KLRK1: variants seen among roughly 807,000 people sequenced by gnomAD.
The protein encoded by KLRK1 is NKG2-D type II integral membrane protein.
In KLRK1, 40 loss-of-function variants were observed where a neutral mutation model predicts 31.3. That is an observed-to-expected ratio of 1.28 (90% confidence interval 0.99 to 1.67). The LOEUF is 1.67. Ranked by LOEUF, KLRK1 falls within the 40% of genes most tolerant of loss-of-function variation. The pLI, the probability that KLRK1 is intolerant of heterozygous loss-of-function variation, is 0.00. For synonymous variants in KLRK1, 77 were observed against 77.3 expected (o/e 1.00, Z 0.02); for missense variants, 251 against 260.0 (o/e 0.97, Z 0.24).
At chr12:10,382,053 C>T (rs984103656) in intron 3 of KLRK1, 1 of 152,196 alleles carries the variant, frequency 6.6e-6, no homozygotes. Context: ...GCAGGAAGAA[C>T]CTTAGTCTCA....
In KLRK1 at chr12:10,378,536, T is replaced by TTAAAA; in HGVS notation, c.429+13_429+17dup. On this transcript the variant is annotated intron_variant, in intron 6 of 7. Coordinates refer to ENST00000240618, the MANE Select transcript of KLRK1 (RefSeq NM_007360.4). ...TTAGGATTAAATACAGGATGGGAAA[T>TTAAAA]TAAAATAAATACTCAACCTGGTCCT... 1.2e-6 allele frequency: 2 copies of TTAAAA among 1,607,880 alleles called. No homozygotes were observed. Among genetic ancestry groups the TTAAAA allele is most frequent in the Non-Finnish European group, 1.7e-6 (2 of 1,178,792 alleles).
At position 10,379,872 on chromosome 12, in the gene KLRK1, G is replaced by GT. The variant is rs1863038162; in HGVS notation, c.149-81dup. 2.3e-6 allele frequency: 3 copies of GT among 1,300,546 alleles called. No homozygotes were observed. In the Admixed American group the frequency reaches 8.5e-5, roughly 37 times the overall value. 80.6% of individuals were successfully genotyped at this position (1,300,546 alleles called of 1,614,324 possible). ...CTTTGTATTTAATATAAATATTAGAGTTTTTTAAATGAGAAGGTGGTATTG... is the reference window on the plus strand; with the variant it reads ...CTTTGTATTTAATATAAATATTAGAGTTTTTTTAAATGAGAAGGTGGTATTG... On this transcript the variant is annotated intron_variant, in intron 3 of 7. Transcript: ENST00000240618.
At chr12:10,377,356 A>G (rs1217444069) in intron 7 of KLRK1, among the ~76,000 whole-genome samples, 5 of 152,224 alleles carry the variant, frequency 3.3e-5, no homozygotes, top group African/African-American at 1.2e-4. Context: ...TGATACAAAT[A>G]CTTGTACACA....
chr12:10,375,784 T>C (rs1158225381), intron 7 of KLRK1, among the ~76,000 whole-genome samples: 1 of 147,862 alleles, frequency 6.8e-6, no homozygotes, highest in Non-Finnish European at 1.5e-5. Flanking sequence ...ATGACCTTTC[T>C]TGAATACTCT....
chr12:10,373,367 T>A lies in KLRK1; in HGVS notation c.534-136A>T, dbSNP rs1862898957. 3 of 584,362 alleles carry A rather than the reference T, an allele frequency of 5.1e-6. No individual in the cohort carries two copies. The East Asian group carries it at 1.0e-4, about 20-fold the overall frequency. The allele number at this position is 584,362 out of a possible 1,614,324, so 36.2% of individuals were successfully genotyped here. The stretch of plus-strand genomic sequence containing the variant: ...GATTATGGACCATGCCTGGTCCTAA[T>A]TCATAAACAAAATATAGCCAACTCA... On this transcript the variant is annotated intron_variant, in intron 7 of 7. Coordinates refer to ENST00000240618, the MANE Select transcript of KLRK1 (RefSeq NM_007360.4).
intron 3 of KLRK1, among the ~76,000 whole-genome samples, chr12:10,382,513 G>A (rs1045334870): frequency 6.6e-6 from 1 of 152,104 alleles, no homozygotes; most frequent in Non-Finnish European, 1.5e-5. Flanking sequence ...ACATGATGGA[G>A]AGAAAAAGTA....
Position 10,373,018 on chromosome 12 carries a change from CT to C in KLRK1, c.*95del. On this transcript the variant is annotated 3_prime_UTR_variant, in exon 8 of 8. Transcript: ENST00000240618. ...TCTGACAGTCTTTGGTCATTTTGTC[CT>C]GTTTTTGTTTGTTTCCTTTAGTCTC... is the stretch of plus-strand genomic sequence containing the variant. 9.3e-7 allele frequency: 1 copy of C among 1,079,010 alleles called. No individual in the cohort carries two copies. Among genetic ancestry groups the C allele is most frequent in the Non-Finnish European group, 1.4e-6 (1 of 726,818 alleles). The allele number at this position is 1,079,010 out of a possible 1,614,324, so 66.8% of individuals were successfully genotyped here. A position where few individuals can be genotyped will look rare whatever the true frequency, so the allele number is the denominator to read the frequency against.
intron 6 of KLRK1, 94 bp downstream of exon 6, chr12:10,378,460 C>G: frequency 1.3e-6 from 2 of 1,553,068 alleles, no homozygotes; most frequent in South Asian, 2.4e-5. Context: ...AACCAAGTCA[C>G]AGTGTCCCTT....
At chr12:10,373,695 AGTGTGTGTGT>A (rs10537864) in intron 7 of KLRK1, among the ~76,000 whole-genome samples, 5 of 146,932 alleles carry the variant, frequency 3.4e-5, no homozygotes, top group Admixed American at 6.6e-5. Context: ...AGTGTGTATA[AGTGTGTGTGT>A]GTGTGTGTGT....
intron 7 of KLRK1, among the ~76,000 whole-genome samples, chr12:10,373,576 A>C (rs1565490239): frequency 6.6e-6 from 1 of 152,184 alleles, no homozygotes; most frequent in African/African-American, 2.4e-5. Flanking sequence ...AGAATTTGAT[A>C]CTGTGTTTTG....
chr12:10,382,505 A>G (rs915375469), intron 3 of KLRK1, among the ~76,000 whole-genome samples: 2 of 152,194 alleles, frequency 1.3e-5, no homozygotes, highest in Non-Finnish European at 2.9e-5. Flanking sequence ...AACTATCGAC[A>G]TGATGGAGAG....
At chr12:10,386,792 G>T in intron 3 of KLRK1, 111 bp downstream of exon 3, 2 of 583,932 alleles carry the variant, frequency 3.4e-6, no homozygotes, top group Non-Finnish European at 5.4e-6. Flanking sequence ...TGTTATTCCT[G>T]CTTTCCTCAT....
chr12:10,375,098 T>C (rs1006894294), intron 7 of KLRK1, among the ~76,000 whole-genome samples: 8 of 152,060 alleles, frequency 5.3e-5, no homozygotes, highest in Admixed American at 3.3e-4. Context: ...AATTCTAAGG[T>C]ATACTGGGGC....
chr12:10,385,589 GTTAT>G (rs1228539887), intron 3 of KLRK1, among the ~76,000 whole-genome samples: 1 of 152,022 alleles, frequency 6.6e-6, no homozygotes, highest in Non-Finnish European at 1.5e-5. Context: ...TAGAATTGTG[GTTAT>G]TTAAGGCTAG....
Position 10,386,921 on chromosome 12 carries a change from T to A in KLRK1, c.130A>T (p.Ser44Cys). 2 of 1,611,988 alleles carry A rather than the reference T, an allele frequency of 1.2e-6. No homozygotes were observed. Among genetic ancestry groups the A allele is most frequent in the Non-Finnish European group, 1.7e-6 (2 of 1,179,046 alleles). Residue 44 changes from serine (S) to cysteine (C), a missense_variant, in exon 3 of 8, where the codon AGC becomes TGC. Ser to Cys is a moderately radical substitution (Grantham distance 112, BLOSUM62 -1). Transcript: ENST00000240618. ...WQKQRCPVVK[S>C]KCRENASPFF... ...GACTTACCATTTTCTCTACATTTGC[T>A]TTTGACTACTGGACATCTTTGCTTT...
chr12:10,379,262 A>AAACCT (rs2137808551), intron 5 of KLRK1, 185 bp downstream of exon 5: 1 of 196,952 alleles, frequency 5.1e-6, no homozygotes, highest in African/African-American at 2.3e-5. Flanking sequence ...AGATGATGTC[A>AAACCT]AACCTAAGTA....
rs112519936 is a variant in KLRK1 at position 10,388,684 on chromosome 12, G to A, written c.40+87C>T. The A allele has an allele frequency of 6.6e-5, 97 of 1,476,908 alleles. 3 individuals carry two copies. In the African/African-American group the frequency reaches 9.3e-4, roughly 14 times the overall value. 91.5% of individuals were successfully genotyped at this position (1,476,908 alleles called of 1,614,324 possible). ...TGAAAAGAATCAGAGTAAATTGCTT[G>A]CCTATGCCTTATATGCTTGTATGAA... On this transcript the variant is annotated intron_variant, in intron 2 of 7. Transcript: ENST00000240618.
At chr12:10,386,111 G>A (rs1253408577) in intron 3 of KLRK1, among the ~76,000 whole-genome samples, 2 of 151,238 alleles carry the variant, frequency 1.3e-5, no homozygotes, top group Non-Finnish European at 3.0e-5. Flanking sequence ...AATTTTTGAC[G>A]GACTGTCAAT....
chr12:10,382,994 C>CA (rs1384082663), intron 3 of KLRK1, among the ~76,000 whole-genome samples: 1 of 151,696 alleles, frequency 6.6e-6, no homozygotes, highest in Admixed American at 6.6e-5. Flanking sequence ...AACCACAAAA[C>CA]AAAAACCTAT....
Sources: allele counts gnomAD v4.1 joint callset (sites outside exome capture counted in the v4.1 genomes callset), GRCh38; gene constraint gnomAD v4.1.1; transcripts MANE v1.5; gene names NCBI Gene and HGNC (gene_info 2026-07-23, HGNC 2026-07-21).